Variants in FSTL5 observed in about 807,000 individuals in gnomAD.
FSTL5 encodes the protein follistatin-related protein 5.
A neutral mutation model predicts 89.1 loss-of-function variants in FSTL5; 62 were observed. That is an observed-to-expected ratio of 0.70 (90% CI 0.57 to 0.86). FSTL5 has a LOEUF of 0.86. Among genes scored for constraint, FSTL5 ranks in the 40% least tolerant of loss-of-function variants. The probability of loss-of-function intolerance (pLI) is 0.00; values close to 1 mark genes in which losing one functional copy is unlikely to be tolerated. For synonymous variants in FSTL5, 383 were observed against 346.2 expected, an observed-to-expected ratio of 1.11 and a Z score of -1.18; for missense variants, 1,057 against 1,001.6, an observed-to-expected ratio of 1.06 and a Z score of -0.75.
Position 162,100,326 on chromosome 4 carries a change from C to T in FSTL5, c.126+10945G>A, listed in dbSNP as rs111331715. Among the ~76,000 whole-genome samples, 942 of 152,120 alleles carry T rather than the reference C, an allele frequency of 6.2e-3. 6 individuals are homozygous for T. Among genetic ancestry groups the T allele is most frequent in the African/African-American group, 0.022 (899 of 41,518 alleles). On this transcript the variant is annotated intron_variant, in intron 2 of 15. Transcript: ENST00000306100. Reference sequence around the variant, plus strand: ...CTGTAATCCTAGCACTTTGGGAGGCCGAGGCGGGTGGATCACAAGGTCAGG... The same window carrying T: ...CTGTAATCCTAGCACTTTGGGAGGCTGAGGCGGGTGGATCACAAGGTCAGG...
At chr4:161,757,106 C>T (rs968574732) in intron 6 of FSTL5, among the ~76,000 whole-genome samples, 4 of 152,206 alleles carry the variant, frequency 2.6e-5, no homozygotes, top group African/African-American at 9.6e-5. Context: ...CCAGGTTTTT[C>T]TAAATGCCCT....
At chr4:161,575,972 C>A (rs1284667955) in intron 8 of FSTL5, among the ~76,000 whole-genome samples, 1 of 152,134 alleles carries the variant, frequency 6.6e-6, no homozygotes. Context: ...TCAGCAAAGT[C>A]TCAGAATACA....
intron 3 of FSTL5, among the ~76,000 whole-genome samples, chr4:161,989,360 C>G (rs1335199287): frequency 1.3e-5 from 2 of 152,022 alleles, no homozygotes; most frequent in African/African-American, 4.8e-5. Context: ...ACATAACACC[C>G]AATTTAGATT....
chr4:161,871,987 ATTT>A, intron 4 of FSTL5, among the ~76,000 whole-genome samples: 1 of 66,512 alleles, frequency 1.5e-5, no homozygotes, highest in African/African-American at 3.7e-5. Flanking sequence ...TAATAAAATA[ATTT>A]TTTTAATTTT....
intron 6 of FSTL5, among the ~76,000 whole-genome samples, chr4:161,706,304 C>T (rs1738577526): frequency 6.6e-6 from 1 of 151,426 alleles, no homozygotes; most frequent in Non-Finnish European, 1.5e-5. Flanking sequence ...TAATAATTTC[C>T]TTTTATAGGT....
chr4:161,451,268 A>C (rs1733154331), intron 15 of FSTL5, among the ~76,000 whole-genome samples: 1 of 152,146 alleles, frequency 6.6e-6, no homozygotes, highest in Non-Finnish European at 1.5e-5. Flanking sequence ...TTTTTAAAGA[A>C]AAATTTTTAC....
At chr4:161,462,835 G>A (rs1733626463) in intron 13 of FSTL5, among the ~76,000 whole-genome samples, 1 of 151,960 alleles carries the variant, frequency 6.6e-6, no homozygotes, top group African/African-American at 2.4e-5. Flanking sequence ...AGACCTAGAA[G>A]AGAAAATAAA....
chr4:161,967,985 A>C lies in FSTL5; in HGVS notation c.161-47333T>G, dbSNP rs75262394. ...CATCTTCTGCACTTAAAGATATTTC[A>C]AAAAGAAAATAAATACTTGTGTATT... On this transcript the variant is annotated intron_variant, in intron 3 of 15. Transcript: ENST00000306100. Among the ~76,000 whole-genome samples, 1,928 of 152,208 alleles carry C rather than the reference A, an allele frequency of 0.013. 126 individuals are homozygous for C. In the East Asian group the frequency reaches 0.2, roughly 16 times the overall value.
intron 2 of FSTL5, among the ~76,000 whole-genome samples, chr4:162,049,470 T>C (rs1738310188): frequency 6.6e-6 from 1 of 152,170 alleles, no homozygotes; most frequent in African/African-American, 2.4e-5. Flanking sequence ...CCAAAAGCAT[T>C]ACATCTTCAC....
At chr4:162,037,574 T>A (rs1241915130) in intron 2 of FSTL5, among the ~76,000 whole-genome samples, 1 of 151,910 alleles carries the variant, frequency 6.6e-6, no homozygotes, top group Non-Finnish European at 1.5e-5. Flanking sequence ...GATATTATAT[T>A]TCACTGTATT....
intron 7 of FSTL5, among the ~76,000 whole-genome samples, chr4:161,606,365 A>G (rs1304058327): frequency 6.8e-6 from 1 of 147,952 alleles, no homozygotes; most frequent in African/African-American, 2.5e-5. Flanking sequence ...CCCCTGCTTC[A>G]GCCTCCTGAG....
At chr4:161,901,839 G>A (rs1733374170) in intron 4 of FSTL5, among the ~76,000 whole-genome samples, 1 of 152,132 alleles carries the variant, frequency 6.6e-6, no homozygotes, top group Admixed American at 6.5e-5. Context: ...GGAGGCCGAG[G>A]TAGGAGAACT....
intron 6 of FSTL5, among the ~76,000 whole-genome samples, chr4:161,716,458 TTGG>T (rs1386996056): frequency 1.3e-5 from 2 of 151,726 alleles, no homozygotes; most frequent in African/African-American, 4.8e-5. Flanking sequence ...TGAGCCGAGT[TTGG>T]TGGTGTGTGC....
At position 161,919,618 on chromosome 4, in the gene FSTL5, G is replaced by C. The variant is rs569430608; in HGVS notation, c.409+786C>G. Among the ~76,000 whole-genome samples the C allele has an allele frequency of 3.7e-3, 567 of 152,150 alleles. 6 individuals carry two copies. The highest frequency in any genetic ancestry group is 5.9e-3 in the Non-Finnish European group (399 of 67,978). The stretch of plus-strand genomic sequence containing the variant: ...GGGACTTGGCACTGACCAAAGGTTA[G>C]AAGTCAGATTAATTATTGATGGAAG... On this transcript the variant is annotated intron_variant, in intron 4 of 15. Transcript: ENST00000306100.
chr4:161,569,144 A>G (rs1732917632), intron 8 of FSTL5, among the ~76,000 whole-genome samples: 1 of 152,180 alleles, frequency 6.6e-6, no homozygotes, highest in Non-Finnish European at 1.5e-5. Flanking sequence ...GTGCATTACC[A>G]TGCCTGGATA....
Position 161,459,242 on chromosome 4 carries a change from A to G in FSTL5, c.1686T>C (p.Gly562=). 6.2e-7 allele frequency: 1 copy of G among 1,612,188 alleles called. No homozygotes were observed. Among genetic ancestry groups the G allele is most frequent in the Non-Finnish European group, 8.5e-7 (1 of 1,178,386 alleles). Reference sequence around the variant, plus strand: ...GTGTTGGTGATGTCTTCTCCAAGGTACCCCAGCTTAGCACCCAGACCTGAT... The same window carrying G: ...GTGTTGGTGATGTCTTCTCCAAGGTGCCCCAGCTTAGCACCCAGACCTGAT... The part of the protein sequence containing the change: ...SHDQVWVLSW[G]TLEKTSPTLQ... The change falls in exon 14 of 16, where the codon GGT becomes GGC. Residue 562 remains glycine, a synonymous_variant. Coordinates refer to ENST00000306100, the MANE Select transcript of FSTL5 (RefSeq NM_020116.5).
chr4:162,076,555 G>A (rs762619875), intron 2 of FSTL5, among the ~76,000 whole-genome samples: 5 of 151,776 alleles, frequency 3.3e-5, no homozygotes, highest in African/African-American at 7.3e-5. Context: ...ACAATTATTC[G>A]ATGAAATATG....
At chr4:161,654,001 G>A (rs2126680117) in intron 7 of FSTL5, among the ~76,000 whole-genome samples, 1 of 152,132 alleles carries the variant, frequency 6.6e-6, no homozygotes, top group East Asian at 1.9e-4. Context: ...TTCTCAAAAT[G>A]TATCTGTTCT....
chr4:161,566,695 C>T (rs1732828064), intron 8 of FSTL5, among the ~76,000 whole-genome samples: 1 of 151,992 alleles, frequency 6.6e-6, no homozygotes, highest in Admixed American at 6.6e-5. Flanking sequence ...TTGCATTTCC[C>T]TGATGATTAG....
Sources: gnomAD v4.1 joint callset for allele counts (sites outside exome capture counted in the v4.1 genomes callset) on GRCh38, gnomAD v4.1.1 for gene constraint, MANE v1.5 for transcripts, NCBI Gene and HGNC (gene_info 2026-07-23, HGNC 2026-07-21) for gene names.